The following NDST4 variants were observed in gnomAD, a reference collection of about 807,000 sequenced individuals.
The protein encoded by NDST4 is N-deacetylase and N-sulfotransferase 4.
Under a neutral mutation model 100.8 loss-of-function variants are expected in NDST4, and 63 were observed. The observed-to-expected ratio is 0.62, with a 90% CI of 0.51 to 0.77. The LOEUF (loss-of-function observed/expected upper bound fraction) is 0.77. Ranked by LOEUF, NDST4 falls within the 30% of genes least tolerant of loss-of-function variation. The pLI is 0.00. For synonymous variants in NDST4, 377 were observed against 361.8 expected, an observed-to-expected ratio of 1.04 and a Z score of -0.48; for missense variants, 943 against 1,018.4, an observed-to-expected ratio of 0.93 and a Z score of 1.01.
intron 4 of NDST4, among the ~76,000 whole-genome samples, chr4:114,943,353 G>T (rs1725793028): frequency 6.6e-6 from 1 of 151,758 alleles, no homozygotes; most frequent in Admixed American, 6.6e-5. Flanking sequence ...ACTTAATTAT[G>T]TAATTCACCA....
chr4:114,937,190 T>C, intron 5 of NDST4, 128 bp downstream of exon 5: 1 of 924,844 alleles, frequency 1.1e-6, no homozygotes. Flanking sequence ...ACCATTGAGA[T>C]ATGTTAGGTA....
chr4:115,087,606 T>A (rs1729434270), intron 1 of NDST4, among the ~76,000 whole-genome samples: 1 of 151,930 alleles, frequency 6.6e-6, no homozygotes, highest in South Asian at 2.1e-4. Flanking sequence ...AATCTGCTAA[T>A]CTATGTAACA....
At chr4:114,866,816 T>A (rs992602723) in intron 7 of NDST4, among the ~76,000 whole-genome samples, 2 of 152,196 alleles carry the variant, frequency 1.3e-5, no homozygotes, top group African/African-American at 2.4e-5. Flanking sequence ...TTGTGGCTTA[T>A]AAGTTCCATG....
intron 1 of NDST4, among the ~76,000 whole-genome samples, chr4:115,078,693 T>A (rs1578506004): frequency 6.6e-6 from 1 of 151,860 alleles, no homozygotes; most frequent in Middle Eastern, 3.4e-3. Context: ...ACAAAAAAAA[T>A]TAGCAGGCAT....
intron 1 of NDST4, among the ~76,000 whole-genome samples, chr4:115,077,614 A>G (rs770133844): frequency 6.6e-6 from 1 of 152,230 alleles, no homozygotes; most frequent in Non-Finnish European, 1.5e-5. Flanking sequence ...GTCAGTTACC[A>G]TAAAACTATT....
chr4:114,855,773 T>C (rs1341673859), intron 7 of NDST4, among the ~76,000 whole-genome samples: 3 of 152,340 alleles, frequency 2.0e-5, no homozygotes, highest in African/African-American at 7.2e-5. Flanking sequence ...TGTGGTTCCA[T>C]GTTAATTTTA....
intron 3 of NDST4, among the ~76,000 whole-genome samples, chr4:114,976,495 G>A (rs1578425513): frequency 6.6e-6 from 1 of 152,086 alleles, no homozygotes; most frequent in East Asian, 1.9e-4. Context: ...GCATTTTGGA[G>A]GTGAGGGTAA....
intron 2 of NDST4, among the ~76,000 whole-genome samples, chr4:115,031,454 C>G (rs1201534222): frequency 9.9e-5 from 15 of 152,106 alleles, no homozygotes; most frequent in Admixed American, 7.2e-4. Flanking sequence ...GTAATGCCCT[C>G]TCTTCACTCT....
intron 2 of NDST4, among the ~76,000 whole-genome samples, chr4:115,030,762 CAT>C (rs1728097416): frequency 6.6e-6 from 1 of 151,928 alleles, no homozygotes; most frequent in South Asian, 2.1e-4. Flanking sequence ...AAATTTTAAA[CAT>C]GTGTATGAGA....
At chr4:115,046,225 C>T (rs1252305733) in intron 2 of NDST4, among the ~76,000 whole-genome samples, 1 of 152,130 alleles carries the variant, frequency 6.6e-6, no homozygotes, top group Non-Finnish European at 1.5e-5. Flanking sequence ...TGCCCTGCCC[C>T]ATTCTGCCTC....
intron 2 of NDST4, among the ~76,000 whole-genome samples, chr4:115,019,045 A>G (rs1727751162): frequency 6.6e-6 from 1 of 151,914 alleles, no homozygotes; most frequent in East Asian, 1.9e-4. Flanking sequence ...TCTTTTTATA[A>G]TTCTAAATTT....
intron 2 of NDST4, among the ~76,000 whole-genome samples, chr4:115,015,118 T>C (rs564367134): frequency 3.3e-5 from 5 of 152,102 alleles, no homozygotes; most frequent in South Asian, 2.1e-4. Flanking sequence ...TGGCAAGATA[T>C]ATGAAGAAGT....
chr4:115,098,544 A>C (rs1729665644), intron 1 of NDST4, among the ~76,000 whole-genome samples: 1 of 152,174 alleles, frequency 6.6e-6, no homozygotes, highest in Admixed American at 6.6e-5. Context: ...AAGGAGAATA[A>C]CAAAGTTGGA....
intron 2 of NDST4, among the ~76,000 whole-genome samples, chr4:115,038,071 A>G (rs1445151880): frequency 6.6e-6 from 1 of 152,184 alleles, no homozygotes; most frequent in East Asian, 1.9e-4. Flanking sequence ...GTGAGTTTAG[A>G]ATCAAGCACA....
chr4:114,835,463 T>C (rs1723288104), intron 11 of NDST4, among the ~76,000 whole-genome samples: 1 of 152,248 alleles, frequency 6.6e-6, no homozygotes, highest in African/African-American at 2.4e-5. Context: ...CTAATTTGAT[T>C]GCACTGTGGT....
intron 2 of NDST4, among the ~76,000 whole-genome samples, chr4:114,988,742 A>G (rs1404326855): frequency 6.6e-6 from 1 of 152,130 alleles, no homozygotes; most frequent in African/African-American, 2.4e-5. Context: ...TATACATTTG[A>G]GGCATTAAGG....
intron 2 of NDST4, among the ~76,000 whole-genome samples, chr4:115,059,647 G>T (rs1318752528): frequency 6.6e-6 from 1 of 151,820 alleles, no homozygotes; most frequent in Non-Finnish European, 1.5e-5. Context: ...CTTTTAACCC[G>T]CTTTTTCTAG....
intron 2 of NDST4, among the ~76,000 whole-genome samples, chr4:115,030,961 A>G (rs1036756267): frequency 6.6e-6 from 1 of 152,216 alleles, no homozygotes; most frequent in African/African-American, 2.4e-5. Flanking sequence ...AGCCAATATA[A>G]CTAGTTGAAT....
chr4:114,856,493 G>C (rs1371660685), intron 7 of NDST4, among the ~76,000 whole-genome samples: 1 of 152,122 alleles, frequency 6.6e-6, no homozygotes, highest in East Asian at 1.9e-4. Context: ...CACTTGTCAA[G>C]TGAGTTTTCT....
Sources: gnomAD v4.1 joint callset for allele counts (sites outside exome capture counted in the v4.1 genomes callset) on GRCh38, gnomAD v4.1.1 for gene constraint, MANE v1.5 for transcripts, NCBI Gene and HGNC (gene_info 2026-07-23, HGNC 2026-07-21) for gene names.